Variants in STX18 observed in about 807,000 individuals in gnomAD.
STX18 encodes syntaxin 18, also known as syntaxin-18.
Under a neutral mutation model 50.1 loss-of-function variants are expected in STX18, and 40 were observed. The observed-to-expected ratio is 0.80, with a 90% confidence interval of 0.62 to 1.04. STX18 has a LOEUF of 1.04. STX18 is among the 50% of genes least tolerant of loss of function. STX18 has a pLI of 0.00. For missense variants in STX18, 410 were observed against 415.8 expected (o/e 0.99, Z 0.12); for synonymous variants, 158 against 151.8 (o/e 1.04, Z -0.30).
intron 6 of STX18, among the ~76,000 whole-genome samples, chr4:4,435,950 G>C (rs1005223632): frequency 6.6e-6 from 1 of 152,250 alleles, no homozygotes; most frequent in Admixed American, 6.5e-5. Flanking sequence ...ATGGATCCTC[G>C]GGGGAGACTG....
At chr4:4,464,149 T>C (rs1485398483) in intron 2 of STX18, among the ~76,000 whole-genome samples, 3 of 152,210 alleles carry the variant, frequency 2.0e-5, no homozygotes, top group Non-Finnish European at 2.9e-5. Context: ...AATGATGTTA[T>C]CTTATCTGTC....
intron 2 of STX18, among the ~76,000 whole-genome samples, chr4:4,468,871 C>G (rs1273968708): frequency 6.6e-6 from 1 of 152,162 alleles, no homozygotes; most frequent in Non-Finnish European, 1.5e-5. Context: ...AAAGTGGAAA[C>G]AGCCCCGTAT....
At chr4:4,437,531 A>G (rs533542679) in intron 6 of STX18, 1 of 874,436 alleles carries the variant, frequency 1.1e-6, no homozygotes, top group East Asian at 1.2e-4. Context: ...AAAACCCTAA[A>G]TCCAAAACAC....
chr4:4,508,145 G>A (rs2108888185), intron 1 of STX18, among the ~76,000 whole-genome samples: 1 of 152,336 alleles, frequency 6.6e-6, no homozygotes, highest in South Asian at 2.1e-4. Flanking sequence ...GGACACTGAA[G>A]TGCCCGTGTG....
chr4:4,454,058 T>G (rs990221820), intron 5 of STX18, among the ~76,000 whole-genome samples: 1 of 152,216 alleles, frequency 6.6e-6, no homozygotes, highest in African/African-American at 2.4e-5. Flanking sequence ...ATAGACAAGC[T>G]CAGGAGTTGT....
At chr4:4,494,214 T>G (rs1458630198) in intron 1 of STX18, among the ~76,000 whole-genome samples, 1 of 152,182 alleles carries the variant, frequency 6.6e-6, no homozygotes, top group Non-Finnish European at 1.5e-5. Flanking sequence ...TATTAACTAT[T>G]TGTACACTAC....
At chr4:4,480,362 G>C (rs1331679212) in intron 1 of STX18, among the ~76,000 whole-genome samples, 1 of 152,052 alleles carries the variant, frequency 6.6e-6, no homozygotes, top group Non-Finnish European at 1.5e-5. Context: ...AGTGCCCTAC[G>C]CTCTGCTGCT....
At chr4:4,480,601 A>G (rs1371890272) in intron 1 of STX18, among the ~76,000 whole-genome samples, 1 of 152,234 alleles carries the variant, frequency 6.6e-6, no homozygotes, top group Non-Finnish European at 1.5e-5. Flanking sequence ...TGCCTAGCCC[A>G]AAGTGGCTCC....
chr4:4,490,302 G>T (rs1728887607), intron 1 of STX18, among the ~76,000 whole-genome samples: 1 of 151,986 alleles, frequency 6.6e-6, no homozygotes, highest in African/African-American at 2.4e-5. Flanking sequence ...ATAGCCAAAG[G>T]GGCATCTTCC....
At chr4:4,495,544 GGC>G (rs1450490980) in intron 1 of STX18, among the ~76,000 whole-genome samples, 1 of 148,444 alleles carries the variant, frequency 6.7e-6, no homozygotes, top group Non-Finnish European at 1.5e-5. Flanking sequence ...ACGCGTGTCT[GGC>G]TAATTTTTTT....
At chr4:4,488,484 G>C (rs1344279924) in intron 1 of STX18, among the ~76,000 whole-genome samples, 1 of 152,064 alleles carries the variant, frequency 6.6e-6, no homozygotes. Context: ...GTGCTAGGAC[G>C]ATTAAAAATC....
intron 9 of STX18, among the ~76,000 whole-genome samples, chr4:4,421,893 C>T (rs764188815): frequency 7.9e-5 from 12 of 152,270 alleles, no homozygotes; most frequent in South Asian, 4.1e-4. Context: ...GCTTGAGAAG[C>T]GTGGGATAAC....
rs1725755559 is a variant in STX18 at position 4,435,976 on chromosome 4, G to T, written c.614-1118C>A. ...GGGGAGACTGTAATGAAGTCACTTTGTGTCTGTGTCTCAGGGCTTATCAGT... is the reference window on the plus strand; with the variant it reads ...GGGGAGACTGTAATGAAGTCACTTTTTGTCTGTGTCTCAGGGCTTATCAGT... On this transcript the variant is annotated intron_variant, in intron 6 of 10. Coordinates refer to ENST00000306200, the MANE Select transcript of STX18 (RefSeq NM_016930.4). Among the ~76,000 whole-genome samples the T allele has an allele frequency of 2.0e-5, 3 of 152,318 alleles. No homozygotes were observed. In the South Asian group the frequency reaches 6.2e-4, roughly 32 times the overall value.
In STX18 at chr4:4,477,319, G is replaced by C. The variant is rs1050666995; in HGVS notation, c.169-5613C>G. On this transcript the variant is annotated intron_variant, in intron 1 of 10. Transcript: ENST00000306200. Reference sequence around the variant, plus strand: ...ACATTTTTAGTCATTTTGAGGTAGAGATTTTCTGCTACCAAACTAGGAACA... The same window carrying C: ...ACATTTTTAGTCATTTTGAGGTAGACATTTTCTGCTACCAAACTAGGAACA... Among the ~76,000 whole-genome samples, 6 of 152,190 alleles carry C rather than the reference G, an allele frequency of 3.9e-5. No individual in the cohort carries two copies. The East Asian group carries it at 1.2e-3, about 29-fold the overall frequency.
intron 3 of STX18, among the ~76,000 whole-genome samples, chr4:4,458,907 G>C (rs1347539264): frequency 6.6e-6 from 1 of 152,134 alleles, no homozygotes; most frequent in African/African-American, 2.4e-5. Flanking sequence ...AGGTTTGATA[G>C]GAAAGTTTAC....
chr4:4,539,151 C>T (rs4689169), intron 1 of STX18, among the ~76,000 whole-genome samples: 33,218 of 151,912 alleles, frequency 0.22, 3,986 homozygotes, highest in African/African-American at 0.33. Flanking sequence ...TGGCATCAGG[C>T]ATATATTTGA....
chr4:4,478,359 C>A (rs1032327616), intron 1 of STX18, among the ~76,000 whole-genome samples: 2 of 152,042 alleles, frequency 1.3e-5, no homozygotes, highest in Non-Finnish European at 2.9e-5. Flanking sequence ...AGAAGGTTCA[C>A]AAATACAGCA....
intron 1 of STX18, among the ~76,000 whole-genome samples, chr4:4,516,952 C>T (rs533828324): frequency 6.8e-4 from 104 of 152,290 alleles, no homozygotes; most frequent in Non-Finnish European, 1.2e-3. Flanking sequence ...CATATTAAAA[C>T]GATTTATGCA....
intron 1 of STX18, chr4:4,481,761 T>G (rs995815500): frequency 2.0e-5 from 3 of 152,268 alleles, no homozygotes; most frequent in African/African-American, 7.2e-5. Context: ...CAGTGGGGAC[T>G]GTCTGAGTCC....
Sources: allele counts gnomAD v4.1 joint callset (sites outside exome capture counted in the v4.1 genomes callset), GRCh38; gene constraint gnomAD v4.1.1; transcripts MANE v1.5; gene names NCBI Gene and HGNC (gene_info 2026-07-23, HGNC 2026-07-21).